The following AVEN variants were observed in gnomAD, a reference collection of about 807,000 sequenced individuals.
The protein encoded by AVEN is apoptosis and caspase activation inhibitor, also known as cell death regulator Aven.
A neutral mutation model predicts 38.1 loss-of-function variants in AVEN; 41 were observed. The ratio of observed to expected loss-of-function variants is 1.08; its 90% confidence interval spans 0.84 to 1.40. The LOEUF (loss-of-function observed/expected upper bound fraction) is 1.40. Ranked by LOEUF, AVEN falls within the 40% of genes most tolerant of loss-of-function variation. AVEN has a pLI of 0.00. For synonymous variants in AVEN, 206 were observed against 171.8 expected, an observed-to-expected ratio of 1.20 and a Z score of -1.56; for missense variants, 605 against 438.8, an observed-to-expected ratio of 1.38 and a Z score of -3.38.
At chr15:34,070,568 A>C (rs768507695) in intron 2 of AVEN, among the ~76,000 whole-genome samples, 3 of 152,010 alleles carry the variant, frequency 2.0e-5, no homozygotes, top group Non-Finnish European at 2.9e-5. Context: ...CAGTCTACAA[A>C]GCTATGCATA....
chr15:33,886,241 T>A (rs1224334274), intron 2 of AVEN, among the ~76,000 whole-genome samples: 1 of 152,150 alleles, frequency 6.6e-6, no homozygotes, highest in Non-Finnish European at 1.5e-5. Flanking sequence ...CAGTGGGAGA[T>A]AACGGAATCA....
chr15:34,039,851 A>G (rs1402279441), upstream of AVEN, among the ~76,000 whole-genome samples: 1 of 152,214 alleles, frequency 6.6e-6, no homozygotes, highest in Non-Finnish European at 1.5e-5. Context: ...AAACTTGACT[A>G]AAGTGAATAA....
intron 2 of AVEN, among the ~76,000 whole-genome samples, chr15:33,944,165 G>A (rs1894422757): frequency 6.6e-6 from 1 of 152,194 alleles, no homozygotes; most frequent in South Asian, 2.1e-4. Flanking sequence ...ACCCACACGA[G>A]TCTGAATGTG....
chr15:33,930,737 C>A (rs148235507), intron 2 of AVEN, among the ~76,000 whole-genome samples: 3 of 152,094 alleles, frequency 2.0e-5, no homozygotes, highest in Non-Finnish European at 2.9e-5. Context: ...AGGAGGATCA[C>A]GAGGTCAGGA....
upstream of AVEN, among the ~76,000 whole-genome samples, chr15:34,042,145 C>T (rs1899498476): frequency 6.6e-6 from 1 of 152,190 alleles, no homozygotes. Context: ...ACAAGTACCT[C>T]CTGCATTTTG....
intron 1 of AVEN, among the ~76,000 whole-genome samples, chr15:34,008,682 G>T (rs1897485220): frequency 6.6e-6 from 1 of 151,644 alleles, no homozygotes; most frequent in Admixed American, 6.6e-5. Context: ...TAGAGACAGG[G>T]TTTCACCGTG....
chr15:33,897,028 C>T (rs1892260120), intron 2 of AVEN, among the ~76,000 whole-genome samples: 1 of 152,078 alleles, frequency 6.6e-6, no homozygotes, highest in South Asian at 2.1e-4. Context: ...ATAGATGAAT[C>T]GCCAATGCAT....
rs1233556277 is a variant in AVEN, at chr15:34,063,165, A to T, written n.1394T>A. The T allele has an allele frequency of 5.0e-6, 8 of 1,614,026 alleles. No individual in the cohort carries two copies. In the African/African-American group the frequency reaches 1.1e-4, roughly 22 times the overall value. Reference sequence around the variant, plus strand: ...GCGTACTCCGAAAAGGGCTGGCATCATGATTGGCTTGGCCTGGCTGATCTC... The same window carrying T: ...GCGTACTCCGAAAAGGGCTGGCATCTTGATTGGCTTGGCCTGGCTGATCTC... On this transcript the variant is annotated non_coding_transcript_exon_variant, in exon 5 of 12. Coordinates refer to the AVEN transcript ENST00000675287. The surrounding 1 kb of genome is among the most constrained non-coding windows in gnomAD (Gnocchi z 4.1).
intron 2 of AVEN, among the ~76,000 whole-genome samples, chr15:33,966,495 G>C (rs377181758): frequency 1.3e-3 from 197 of 152,248 alleles, no homozygotes; most frequent in African/African-American, 4.6e-3. Flanking sequence ...TGAGCACCTT[G>C]GGAGAGAAGT....
intron 2 of AVEN, among the ~76,000 whole-genome samples, chr15:33,961,821 A>G (rs1352239942): frequency 4.0e-5 from 6 of 149,500 alleles, no homozygotes; most frequent in African/African-American, 4.9e-5. Flanking sequence ...TCAAAAAAAA[A>G]AAAAAAAAAA....
chr15:34,070,116 A>G (rs952367366), intron 2 of AVEN, among the ~76,000 whole-genome samples: 1 of 152,236 alleles, frequency 6.6e-6, no homozygotes, highest in Admixed American at 6.5e-5. Flanking sequence ...ACAGGGCAGC[A>G]GGAAAGAAAA....
chr15:34,053,031 G>A (rs1899985522), intron 5 of AVEN, among the ~76,000 whole-genome samples: 5 of 152,014 alleles, frequency 3.3e-5, no homozygotes, highest in South Asian at 4.2e-4. Flanking sequence ...CAGGTGCAGT[G>A]GCTCAAACCT....
chr15:33,866,598 C>T lies in AVEN; in HGVS notation c.*15G>A. 2.5e-6 allele frequency: 4 copies of T among 1,605,546 alleles called. No homozygotes were observed. The highest frequency in any genetic ancestry group is 2.2e-5 in the East Asian group (1 of 44,836). Reference sequence around the variant, plus strand: ...AGGCAACCAAGATTTGCTTCAGGCACTTTTTTTCCCCTTTTTAGGAAATCA... The same window carrying T: ...AGGCAACCAAGATTTGCTTCAGGCATTTTTTTTCCCCTTTTTAGGAAATCA... On this transcript the variant is annotated 3_prime_UTR_variant, in exon 6 of 6. Transcript: ENST00000306730.
At chr15:33,930,107 G>GTT (rs1323939147) in intron 2 of AVEN, among the ~76,000 whole-genome samples, 3 of 152,136 alleles carry the variant, frequency 2.0e-5, no homozygotes, top group African/African-American at 4.8e-5. Flanking sequence ...GCATGCCATG[G>GTT]TAAGTCTCCA....
intron 2 of AVEN, among the ~76,000 whole-genome samples, chr15:33,964,029 G>A (rs552169274): frequency 3.2e-4 from 48 of 151,394 alleles, no homozygotes; most frequent in East Asian, 1.2e-3. Context: ...TGTGCCTAAC[G>A]TGACATCTTG....
At chr15:33,968,412 G>C (rs1895480884) in intron 2 of AVEN, among the ~76,000 whole-genome samples, 1 of 152,030 alleles carries the variant, frequency 6.6e-6, no homozygotes, top group Non-Finnish European at 1.5e-5. Context: ...TGTCCAGCAG[G>C]GGAAGTAATT....
At chr15:33,949,177 C>T (rs578034905) in intron 2 of AVEN, among the ~76,000 whole-genome samples, 2 of 152,246 alleles carry the variant, frequency 1.3e-5, no homozygotes, top group South Asian at 4.1e-4. Flanking sequence ...GCACCCGCCA[C>T]CACGCCCGGC....
downstream of AVEN, chr15:33,865,100 A>AG: frequency 6.4e-7 from 1 of 1,558,140 alleles, no homozygotes. Flanking sequence ...TGTGGTTTAA[A>AG]AATAAGCACC....
chr15:33,984,737 T>C (rs1263376932), intron 2 of AVEN, among the ~76,000 whole-genome samples: 1 of 152,146 alleles, frequency 6.6e-6, no homozygotes, highest in Non-Finnish European at 1.5e-5. Flanking sequence ...TTGCTTTTCA[T>C]TGAAGAACAA....
Sources: allele counts gnomAD v4.1 joint callset (sites outside exome capture counted in the v4.1 genomes callset), GRCh38; gene constraint gnomAD v4.1.1; non-coding constraint Gnocchi (gnomAD v3.1); transcripts MANE v1.5; gene names NCBI Gene and HGNC (gene_info 2026-07-23, HGNC 2026-07-21).